Variants in POU6F2 observed in about 807,000 individuals in gnomAD.
The protein encoded by POU6F2 is POU domain, class 6, transcription factor 2.
POU6F2 carries 31 observed loss-of-function variants against 71.3 expected under a neutral mutation model. The observed-to-expected ratio is 0.43, with a 90% CI of 0.33 to 0.59. The LOEUF is 0.59. POU6F2 is among the 20% of genes least tolerant of loss of function. POU6F2 has a pLI of 0.04. For synonymous variants in POU6F2, 347 were observed against 355.7 expected (o/e 0.98, Z 0.27); for missense variants, 783 against 856.8 (o/e 0.91, Z 1.07).
chr7:39,119,507 G>T (rs1791999268), intron 2 of POU6F2, among the ~76,000 whole-genome samples: 1 of 152,002 alleles, frequency 6.6e-6, no homozygotes. Context: ...AAGAGGGGAG[G>T]GGAAACGGGG....
chr7:39,302,017 C>T (rs752911841), intron 4 of POU6F2, among the ~76,000 whole-genome samples: 10 of 152,092 alleles, frequency 6.6e-5, no homozygotes, highest in South Asian at 2.1e-4. Flanking sequence ...TGCCATTGCC[C>T]CCTTTAAGCA....
chr7:39,239,772 T>A (rs776309256), intron 4 of POU6F2, among the ~76,000 whole-genome samples: 1 of 152,144 alleles, frequency 6.6e-6, no homozygotes, highest in African/African-American at 2.4e-5. Context: ...ACAACTGTTT[T>A]CCTTAGGGCC....
chr7:39,279,317 T>C (rs1213782452), intron 4 of POU6F2, among the ~76,000 whole-genome samples: 1 of 152,108 alleles, frequency 6.6e-6, no homozygotes, highest in Non-Finnish European at 1.5e-5. Context: ...CTAAGCAGCA[T>C]CTGCCTAGGG....
At chr7:39,020,778 ATTTT>A (rs11295540) in intron 1 of POU6F2, among the ~76,000 whole-genome samples, 1 of 148,622 alleles carries the variant, frequency 6.7e-6, no homozygotes, top group Non-Finnish European at 1.5e-5. Flanking sequence ...TCTAGGTTAG[ATTTT>A]TTTTTTTTAA....
intron 2 of POU6F2, among the ~76,000 whole-genome samples, chr7:39,106,995 A>G (rs757723452): frequency 2.9e-4 from 37 of 128,426 alleles, no homozygotes; most frequent in Non-Finnish European, 5.4e-4. Flanking sequence ...CCTATTTTTC[A>G]CTTCTTTTGC....
At chr7:39,028,807 A>T (rs948513881) in intron 1 of POU6F2, among the ~76,000 whole-genome samples, 2 of 151,822 alleles carry the variant, frequency 1.3e-5, no homozygotes, top group Admixed American at 6.6e-5. Context: ...AATATTGTAA[A>T]TTTTTTTCTT....
chr7:39,170,033 T>A (rs1205705027), intron 2 of POU6F2, among the ~76,000 whole-genome samples: 2 of 152,060 alleles, frequency 1.3e-5, no homozygotes, highest in East Asian at 3.9e-4. Context: ...CCGGGCGTTG[T>A]GGCAGGCACC....
intron 5 of POU6F2, among the ~76,000 whole-genome samples, chr7:39,349,914 G>T (rs1786107893): frequency 6.6e-6 from 1 of 152,182 alleles, no homozygotes; most frequent in South Asian, 2.1e-4. Flanking sequence ...ACTTGGAGTG[G>T]CTGTCTCCTG....
At chr7:39,184,530 C>T (rs2128742061) in intron 2 of POU6F2, among the ~76,000 whole-genome samples, 1 of 152,332 alleles carries the variant, frequency 6.6e-6, no homozygotes, top group Admixed American at 6.5e-5. Context: ...AATGCTGACA[C>T]AGTCTCAGCC....
chr7:39,411,514 T>C (rs2237397), intron 6 of POU6F2, among the ~76,000 whole-genome samples: 3,518 of 152,224 alleles, frequency 0.023, 90 homozygotes, highest in East Asian at 0.063. Context: ...AATGCGTTTG[T>C]CCTTAAAAAG....
chr7:39,112,060 G>A (rs976216427), intron 2 of POU6F2, among the ~76,000 whole-genome samples: 1 of 152,114 alleles, frequency 6.6e-6, no homozygotes, highest in African/African-American at 2.4e-5. Flanking sequence ...AGGGATGATA[G>A]TTGCTATAGA....
intron 1 of POU6F2, among the ~76,000 whole-genome samples, chr7:38,978,594 A>C (rs1177307351): frequency 2.6e-5 from 4 of 152,192 alleles, no homozygotes; most frequent in Non-Finnish European, 5.9e-5. Context: ...ATGTAGTAGT[A>C]GTCTTGGCTG....
rs1395452054 is a variant in POU6F2, at chr7:39,074,783, C to T, written c.106-11077C>T. 2.6e-5 allele frequency among the ~76,000 whole-genome samples: 4 copies of T among 152,266 alleles called. No individual in the cohort carries two copies. In the East Asian group the frequency reaches 7.7e-4, roughly 29 times the overall value. On this transcript the variant is annotated intron_variant, in intron 1 of 9. Coordinates refer to ENST00000518318, the MANE Select transcript of POU6F2 (RefSeq NM_001370959.1). Reference sequence around the variant, plus strand: ...GCTTCTCCACAATAAACTACACAAACAGTCACACTTTGTCGGAAGGGTCGC... The same window carrying T: ...GCTTCTCCACAATAAACTACACAAATAGTCACACTTTGTCGGAAGGGTCGC...
chr7:39,212,199 A>C (rs191774763), intron 4 of POU6F2, among the ~76,000 whole-genome samples: 1 of 152,280 alleles, frequency 6.6e-6, no homozygotes, highest in African/African-American at 2.4e-5. Context: ...TGTGGTATGG[A>C]ACATGGACAA....
chr7:39,126,325 C>T (rs1792137269), intron 2 of POU6F2, among the ~76,000 whole-genome samples: 1 of 152,148 alleles, frequency 6.6e-6, no homozygotes, highest in South Asian at 2.1e-4. Flanking sequence ...ACTTGGAGGG[C>T]AGGGAACTTC....
intron 6 of POU6F2, among the ~76,000 whole-genome samples, chr7:39,410,172 T>A (rs2237401): frequency 0.57 from 87,215 of 151,756 alleles, 25,509 homozygotes; most frequent in East Asian, 0.7. Context: ...ACACGGCGAA[T>A]CTCTGCCTCT....
chr7:39,207,865 G>A (rs941581196), intron 4 of POU6F2, among the ~76,000 whole-genome samples: 2 of 152,088 alleles, frequency 1.3e-5, no homozygotes, highest in Non-Finnish European at 2.9e-5. Context: ...CAGGACTCCT[G>A]GAAGCATTTA....
intron 4 of POU6F2, among the ~76,000 whole-genome samples, chr7:39,289,132 C>T (rs1374050115): frequency 6.6e-6 from 1 of 152,190 alleles, no homozygotes; most frequent in Admixed American, 6.5e-5. Context: ...ATGAACCCCT[C>T]CTCATTGGTT....
chr7:39,389,752 GT>G (rs751214059), intron 5 of POU6F2, among the ~76,000 whole-genome samples: 2 of 152,080 alleles, frequency 1.3e-5, no homozygotes, highest in East Asian at 3.8e-4. Context: ...TTTCCCCTGT[GT>G]TTAACAATTA....
Sources: allele counts gnomAD v4.1 joint callset (sites outside exome capture counted in the v4.1 genomes callset), GRCh38; gene constraint gnomAD v4.1.1; transcripts MANE v1.5; gene names NCBI Gene and HGNC (gene_info 2026-07-23, HGNC 2026-07-21).